The following CFAP300 variants were observed in gnomAD, a reference collection of about 807,000 sequenced individuals.
CFAP300 encodes the protein cilia and flagella associated protein 300.
A neutral mutation model predicts 33.0 loss-of-function variants in CFAP300; 32 were observed. The observed-to-expected ratio is 0.97, with a 90% CI of 0.73 to 1.30. The LOEUF (loss-of-function observed/expected upper bound fraction) is 1.30, where lower values mean the gene tolerates loss of function less well. CFAP300 is among the 50% of genes most tolerant of loss of function. The probability of loss-of-function intolerance (pLI) is 0.00; values close to 1 mark genes in which losing one functional copy is unlikely to be tolerated. For synonymous variants in CFAP300, 102 were observed against 106.8 expected (o/e 0.95, Z 0.28); for missense variants, 356 against 318.1 (o/e 1.12, Z -0.90).
intron 3 of CFAP300, among the ~76,000 whole-genome samples, chr11:102,059,281 ATGTGTG>A (rs55657614): frequency 0.065 from 9,613 of 148,540 alleles, 391 homozygotes; most frequent in Admixed American, 0.12. Context: ...ATATGTTAAA[ATGTGTG>A]TGTGTGTGTG....
At position 102,073,121 on chromosome 11, in the gene CFAP300, T is replaced by C. The variant is rs758699738; in HGVS notation, c.436-2752T>C. On this transcript the variant is annotated intron_variant, in intron 4 of 6. Coordinates refer to ENST00000434758, the MANE Select transcript of CFAP300 (RefSeq NM_032930.3). Reference sequence around the variant, plus strand: ...ATTCTTGGGCCTCCACGCAGCTTGCTCATGTGCCAGCAGTGTTAGTGGTGG... The same window carrying C: ...ATTCTTGGGCCTCCACGCAGCTTGCCCATGTGCCAGCAGTGTTAGTGGTGG... Among the ~76,000 whole-genome samples the C allele has an allele frequency of 7.2e-5, 11 of 152,242 alleles. No individual in the cohort carries two copies. The South Asian group carries it at 2.3e-3, about 32-fold the overall frequency.
chr11:102,051,924 G>A (rs1214835689), intron 2 of CFAP300, among the ~76,000 whole-genome samples: 1 of 152,052 alleles, frequency 6.6e-6, no homozygotes, highest in Non-Finnish European at 1.5e-5. Context: ...TGTTATTACT[G>A]TAACTAGTTT....
At chr11:102,055,186 GGTCA>G (rs1385393446) in intron 2 of CFAP300, among the ~76,000 whole-genome samples, 1 of 151,680 alleles carries the variant, frequency 6.6e-6, no homozygotes, top group African/African-American at 2.4e-5. Context: ...TCAACATGTT[GGTCA>G]GGTTAGTCTT....
intron 3 of CFAP300, among the ~76,000 whole-genome samples, chr11:102,063,901 T>C (rs1224228850): frequency 2.0e-5 from 3 of 152,080 alleles, no homozygotes; most frequent in Non-Finnish European, 2.9e-5. Flanking sequence ...GAATTTGGGG[T>C]CCTAGTGGTT....
intron 4 of CFAP300, among the ~76,000 whole-genome samples, chr11:102,069,184 C>T (rs1256545947): frequency 6.6e-6 from 1 of 152,304 alleles, no homozygotes; most frequent in East Asian, 1.9e-4. Flanking sequence ...GTATGGCTTG[C>T]TCTTGGGTTC....
chr11:102,078,453 A>T (rs1282289847), intron 5 of CFAP300, among the ~76,000 whole-genome samples: 1 of 152,218 alleles, frequency 6.6e-6, no homozygotes, highest in Non-Finnish European at 1.5e-5. Context: ...AATTATTAGT[A>T]GAACACCATA....
chr11:102,059,281 ATGTGTGTGTGTG>A (rs55657614), intron 3 of CFAP300, among the ~76,000 whole-genome samples: 24 of 148,674 alleles, frequency 1.6e-4, no homozygotes, highest in South Asian at 1.1e-3. Context: ...ATATGTTAAA[ATGTGTGTGTGTG>A]TGTGTGTGTG....
Position 102,072,097 on chromosome 11 carries a change from C to T in CFAP300, c.436-3776C>T, listed in dbSNP as rs1942321711. On this transcript the variant is annotated intron_variant, in intron 4 of 6. Coordinates refer to ENST00000434758, the MANE Select transcript of CFAP300 (RefSeq NM_032930.3). ...TTTTTTATGCCTTTGGGCTTCTCTT[C>T]ACCTTCTGGAACACCCATAATTCAA... Among the ~76,000 whole-genome samples the T allele has an allele frequency of 4.6e-5, 7 of 151,948 alleles. No individual in the cohort carries two copies. In the South Asian group the frequency reaches 1.5e-3, roughly 32 times the overall value.
chr11:102,068,327 G>T (rs1394883350), intron 4 of CFAP300, among the ~76,000 whole-genome samples: 1 of 152,022 alleles, frequency 6.6e-6, no homozygotes, highest in Non-Finnish European at 1.5e-5. Flanking sequence ...AGAAAGGGAG[G>T]TATCCAACCA....
intron 6 of CFAP300, among the ~76,000 whole-genome samples, chr11:102,082,524 T>C (rs532920629): frequency 6.6e-6 from 1 of 152,342 alleles, no homozygotes; most frequent in Admixed American, 6.5e-5. Context: ...ACAAAAATTA[T>C]GCATGTAAGT....
intron 4 of CFAP300, among the ~76,000 whole-genome samples, chr11:102,073,339 G>A (rs1383277027): frequency 6.6e-6 from 1 of 152,218 alleles, no homozygotes; most frequent in East Asian, 1.9e-4. Flanking sequence ...TGCTATGGTG[G>A]TAGCCAGTTG....
intron 2 of CFAP300, among the ~76,000 whole-genome samples, chr11:102,055,026 G>T (rs1942029281): frequency 1.3e-5 from 2 of 151,226 alleles, no homozygotes; most frequent in South Asian, 2.1e-4. Flanking sequence ...TGTCGCCCAG[G>T]CTGGGGTGCA....
intron 2 of CFAP300, among the ~76,000 whole-genome samples, chr11:102,055,364 T>C (rs1405168232): frequency 7.0e-6 from 1 of 143,384 alleles, no homozygotes; most frequent in African/African-American, 2.6e-5. Flanking sequence ...CGTTACTCTT[T>C]TTTTTTTTTT....
Position 102,083,377 on chromosome 11 carries a change from C to G in CFAP300, c.*178C>G. 2 of 358,198 alleles carry G rather than the reference C, an allele frequency of 5.6e-6. No homozygotes were observed. The highest frequency in any genetic ancestry group is 9.5e-6 in the Non-Finnish European group (2 of 211,044). The allele number at this position is 358,198 out of a possible 1,614,324, so 22.2% of individuals were successfully genotyped here. A position where few individuals can be genotyped will look rare whatever the true frequency, so the allele number is the denominator to read the frequency against. ...TTTAAAAATTTGTGTGGAATACTAA[C>G]CGGGGATCAAATTTCATCCATAATA... On this transcript the variant is annotated 3_prime_UTR_variant, in exon 7 of 7. Coordinates refer to ENST00000434758, the MANE Select transcript of CFAP300 (RefSeq NM_032930.3).
intron 2 of CFAP300, among the ~76,000 whole-genome samples, chr11:102,054,000 T>C (rs948799442): frequency 2.0e-5 from 3 of 152,130 alleles, no homozygotes; most frequent in Non-Finnish European, 4.4e-5. Flanking sequence ...CTGGAACCAG[T>C]TTAGGAGAGC....
chr11:102,050,240 A>G (rs1941949119), intron 2 of CFAP300, among the ~76,000 whole-genome samples: 1 of 152,186 alleles, frequency 6.6e-6, no homozygotes, highest in African/African-American at 2.4e-5. Flanking sequence ...TTTATCATTA[A>G]TCTTTACAAC....
chr11:102,047,465 A>G lies in CFAP300; in HGVS notation c.-6A>G, dbSNP rs1941894034. On this transcript the variant is annotated 5_prime_UTR_variant, in exon 1 of 7. Coordinates refer to ENST00000434758, the MANE Select transcript of CFAP300 (RefSeq NM_032930.3). ...CGGCCCAGGCATCCACCCAGCCGAG[A>G]GCACGATGGCTACTGGGGAGCTCGG... 2 of 1,535,532 alleles carry G rather than the reference A, an allele frequency of 1.3e-6. No individual in the cohort carries two copies. The highest frequency in any genetic ancestry group is 1.7e-6 in the Non-Finnish European group (2 of 1,146,390).
chr11:102,075,989 G>A lies in CFAP300; in HGVS notation c.552G>A (p.Glu184=), dbSNP rs2135047109. 1 of 1,613,840 alleles carries A rather than the reference G, an allele frequency of 6.2e-7. No individual in the cohort carries two copies. Among genetic ancestry groups the A allele is most frequent in the Non-Finnish European group, 8.5e-7 (1 of 1,179,896 alleles). The change falls in exon 5 of 7, where the codon GAG becomes GAA. Residue 184 remains glutamate (E), a synonymous_variant. Transcript: ENST00000434758. The part of the protein sequence containing the change: ...LCLGGALCQY[E]DVISPYLETT... ...TTGGTGGAGCCCTTTGTCAATATGA[G>A]GATGTGATTAGCCCATATCTGGAAA...
intron 2 of CFAP300, among the ~76,000 whole-genome samples, chr11:102,048,732 T>G (rs557939708): frequency 6.6e-6 from 1 of 152,146 alleles, no homozygotes; most frequent in South Asian, 2.1e-4. Context: ...GGTGACTACT[T>G]TGAGAGAGGT....
Sources: allele counts gnomAD v4.1 joint callset (sites outside exome capture counted in the v4.1 genomes callset), GRCh38; gene constraint gnomAD v4.1.1; transcripts MANE v1.5; gene names NCBI Gene and HGNC (gene_info 2026-07-23, HGNC 2026-07-21).